BAHCC1: variants seen among roughly 807,000 people sequenced by gnomAD.
BAHCC1 encodes BAH domain and coiled-coil containing 1.
In BAHCC1, 43 loss-of-function variants were observed where a neutral mutation model predicts 88.2. The observed-to-expected ratio is 0.49, with a 90% confidence interval of 0.38 to 0.63. The LOEUF (loss-of-function observed/expected upper bound fraction) is 0.63, where lower values mean the gene tolerates loss of function less well. BAHCC1 is among the 20% of genes least tolerant of loss of function. BAHCC1 has a pLI of 0.00. For synonymous variants in BAHCC1, 1,510 were observed against 745.5 expected (o/e 2.03, Z -16.71); for missense variants, 3,023 against 1,654.8 (o/e 1.83, Z -14.34).
Position 81,462,928 on chromosome 17 carries a change from C to T in BAHCC1, c.7572C>T (p.Phe2524=). ...GSNMVVKVKW[F]YHPEETKLGK... Reference sequence around the variant, plus strand: ...ACATGGTGGTCAAGGTCAAGTGGTTCTACCACCCTGAGGAGACCAAGCTGG... The same window carrying T: ...ACATGGTGGTCAAGGTCAAGTGGTTTTACCACCCTGAGGAGACCAAGCTGG... The change falls in exon 27 of 28, where the codon TTC becomes TTT. Residue 2524 remains phenylalanine (F), a synonymous_variant. Coordinates refer to ENST00000675386, the MANE Select transcript of BAHCC1 (RefSeq NM_001377448.1). The T allele has an allele frequency of 2.6e-6, 2 of 783,792 alleles. No individual in the cohort carries two copies. The highest frequency in any genetic ancestry group is 1.3e-5 in the South Asian group (1 of 74,682). The allele number at this position is 783,792 out of a possible 1,614,324, so 48.6% of individuals were successfully genotyped here.
At chr17:81,395,951 CAA>C (rs1347707014) in intron 1 of BAHCC1, 1 of 152,204 alleles carries the variant, frequency 6.6e-6, no homozygotes, top group Non-Finnish European at 1.5e-5. Flanking sequence ...GCATTAAAAA[CAA>C]ATACTCGAAG....
intron 11 of BAHCC1, among the ~76,000 whole-genome samples, chr17:81,448,546 C>T (rs529217509): frequency 6.6e-6 from 1 of 152,222 alleles, no homozygotes; most frequent in African/African-American, 2.4e-5. Flanking sequence ...GAGAAAGCCC[C>T]GGGGTGGAGG....
chr17:81,400,014 C>T, intron 2 of BAHCC1, 97 bp downstream of exon 2: 3 of 1,073,922 alleles, frequency 2.8e-6, no homozygotes, highest in Non-Finnish European at 3.5e-6. Flanking sequence ...GCTTTGGTTT[C>T]ATTTCCCGGC....
chr17:81,456,348 G>C lies in BAHCC1; in HGVS notation c.4621G>C (p.Val1541Leu). ...CTGTCAGGGCGGGCTGGCGCCCTCC[G>C]TGGCCCACAGGGTGGCCCAGCTGAA... is the stretch of plus-strand genomic sequence containing the variant. The part of the protein sequence containing the change: ...SSCQGGLAPS[V>L]AHRVAQLKPK... The change falls in exon 16 of 28, where the codon GTG becomes CTG. Residue 1541 changes from valine (V) to leucine (L), a missense_variant. Transcript: ENST00000675386. 1 of 722,516 alleles carries C rather than the reference G, an allele frequency of 1.4e-6. No homozygotes were observed. Among genetic ancestry groups the C allele is most frequent in the South Asian group, 1.5e-5 (1 of 68,034 alleles). The allele number at this position is 722,516 out of a possible 1,614,324, so 44.8% of individuals were successfully genotyped here.
chr17:81,438,486 C>A lies in BAHCC1; in HGVS notation c.475C>A (p.Gln159Lys). The A allele has an allele frequency of 1.3e-6, 1 of 769,854 alleles. No homozygotes were observed. The highest frequency in any genetic ancestry group is 2.4e-5 in the East Asian group (1 of 40,968). 47.7% of individuals were successfully genotyped at this position (769,854 alleles called of 1,614,324 possible). ...TGGGCAGCACCGTTTCTATGGAACC[C>A]AAAAAGGCAAGTGCAGCATGGGACC... is the stretch of plus-strand genomic sequence containing the variant. Reference protein sequence around the residue: ...LYGQHRFYGTQKDNFYLRNLP... With the variant: ...LYGQHRFYGTKKDNFYLRNLP... The change falls in exon 4 of 28, where the codon CAA (glutamine) becomes AAA (lysine). Residue 159 changes from glutamine (Q) to lysine (K), a missense_variant. Coordinates refer to ENST00000675386, the MANE Select transcript of BAHCC1 (RefSeq NM_001377448.1).
Position 81,443,790 on chromosome 17 carries a change from C to T in BAHCC1, c.2216-19C>T. 1 of 707,948 alleles carries T rather than the reference C, an allele frequency of 1.4e-6. No homozygotes were observed. Among genetic ancestry groups the T allele is most frequent in the Non-Finnish European group, 2.6e-6 (1 of 384,614 alleles). 43.9% of individuals were successfully genotyped at this position (707,948 alleles called of 1,614,324 possible). A position where few individuals can be genotyped will look rare whatever the true frequency, so the allele number is the denominator to read the frequency against. ...GGCCGCCCCAACCCTCTCCCGTCTG[C>T]TGTCTCGACCCTGTGCAGGTGGCGG... On this transcript the variant is annotated intron_variant, in intron 5 of 27. Transcript: ENST00000675386.
chr17:81,438,956 G>GCCCAGCC lies in BAHCC1; in HGVS notation c.481+482_481+488dup, dbSNP rs1212215454. 9.2e-5 allele frequency among the ~76,000 whole-genome samples: 14 copies of GCCCAGCC among 152,194 alleles called. No individual in the cohort carries two copies. In the South Asian group the frequency reaches 1.9e-3, roughly 20 times the overall value. ...CTCGGCTAGACCTGGGCTGCACGAG[G>GCCCAGCC]CCCAGCCCCCAGCCCCCAGCCCCCC... On this transcript the variant is annotated intron_variant, in intron 4 of 27. Transcript: ENST00000675386.
chr17:81,406,517 G>C (rs1157815828), intron 2 of BAHCC1, among the ~76,000 whole-genome samples: 1 of 152,190 alleles, frequency 6.6e-6, no homozygotes, highest in African/African-American at 2.4e-5. Context: ...AAAATCACCC[G>C]CAGCCCAGGC....
intron 11 of BAHCC1, among the ~76,000 whole-genome samples, chr17:81,449,266 ATGGTCCCCCCC>A (rs1279121756): frequency 1.3e-5 from 2 of 152,094 alleles, no homozygotes; most frequent in Non-Finnish European, 2.9e-5. Flanking sequence ...TCTCCACCTC[ATGGTCCCCCCC>A]TGGGCCCCCA....
intron 14 of BAHCC1, among the ~76,000 whole-genome samples, chr17:81,453,155 G>T (rs569818573): frequency 6.6e-6 from 1 of 152,198 alleles, no homozygotes; most frequent in Non-Finnish European, 1.5e-5. Flanking sequence ...CATCGTCCCC[G>T]CCCGGCCCCC....
intron 14 of BAHCC1, among the ~76,000 whole-genome samples, chr17:81,454,420 G>T (rs562889742): frequency 6.6e-6 from 1 of 152,174 alleles, no homozygotes; most frequent in Non-Finnish European, 1.5e-5. Flanking sequence ...AGGGGCCAGG[G>T]ATGCAGAATT....
At position 81,461,449 on chromosome 17, in the gene BAHCC1, C is replaced by T. The variant is rs781864977; in HGVS notation, c.6786C>T (p.Ile2262=). Residue 2262 remains isoleucine, a synonymous_variant, in exon 26 of 28, where the codon ATC becomes ATT. Transcript: ENST00000675386. ...AGGACAAGAAGGGGCGGGCACCCAT[C>T]CCCCCGCTGCCCATGGGGCTGGCGC... ...VGKDKKGRAP[I]PPLPMGLALR... 3 of 737,906 alleles carry T rather than the reference C, an allele frequency of 4.1e-6. No homozygotes were observed. Among genetic ancestry groups the T allele is most frequent in the Non-Finnish European group, 7.5e-6 (3 of 398,172 alleles). 45.7% of individuals were successfully genotyped at this position (737,906 alleles called of 1,614,324 possible).
chr17:81,464,974 G>A lies in BAHCC1; in HGVS notation c.*1157G>A, dbSNP rs1411303319. The A allele has an allele frequency of 6.6e-6, 1 of 152,190 alleles. No individual in the cohort carries two copies. The highest frequency in any genetic ancestry group is 1.5e-5 in the Non-Finnish European group (1 of 68,050). 9.4% of individuals were successfully genotyped at this position (152,190 alleles called of 1,614,324 possible). On this transcript the variant is annotated 3_prime_UTR_variant, in exon 28 of 28. Coordinates refer to ENST00000675386, the MANE Select transcript of BAHCC1 (RefSeq NM_001377448.1). ...GAACTGGGCAGGGCTCGGGGCCTAT[G>A]AGGGCAGGTTCACAGTCCCACCAGA... is the stretch of plus-strand genomic sequence containing the variant.
In BAHCC1 at chr17:81,463,822, C is replaced by A. The variant is rs552696978; in HGVS notation, c.*5C>A. 1.5e-3 allele frequency: 1,081 copies of A among 717,516 alleles called. 22 individuals carry two copies. The South Asian group carries it at 0.015, about 10-fold the overall frequency. 44.4% of individuals were successfully genotyped at this position (717,516 alleles called of 1,614,324 possible). A position where few individuals can be genotyped will look rare whatever the true frequency, so the allele number is the denominator to read the frequency against. On this transcript the variant is annotated 3_prime_UTR_variant, in exon 28 of 28. Coordinates refer to ENST00000675386, the MANE Select transcript of BAHCC1 (RefSeq NM_001377448.1). ...GGCGTGCCCATCCTATGCTGAGCCG[C>A]CCACCGCAGATGCCTCCCACGTGCG...
rs367640488 is a variant in BAHCC1, at chr17:81,458,330, C to T, written c.5207C>T (p.Pro1736Leu). ...GKAKGSLRAE[P>L]GATPSRDALF... ...GCCAAGGGCAGCCTGCGGGCAGAGC[C>T]GGGGGCCACCCCCAGCAGGGACGCC... is the stretch of plus-strand genomic sequence containing the variant. Residue 1736 changes from proline (P) to leucine (L), a missense_variant, in exon 18 of 28, where the codon CCG becomes CTG. By Grantham distance (98) the Pro-to-Leu change is moderately conservative (BLOSUM62 -3). Coordinates refer to ENST00000675386, the MANE Select transcript of BAHCC1 (RefSeq NM_001377448.1). 10 of 740,824 alleles carry T rather than the reference C, an allele frequency of 1.3e-5. No individual in the cohort carries two copies. Among genetic ancestry groups the T allele is most frequent in the Non-Finnish European group, 1.8e-5 (7 of 399,888 alleles). The allele number at this position is 740,824 out of a possible 1,614,324, so 45.9% of individuals were successfully genotyped here. A position where few individuals can be genotyped will look rare whatever the true frequency, so the allele number is the denominator to read the frequency against.
At chr17:81,397,412 A>G (rs2063757229) in intron 1 of BAHCC1, among the ~76,000 whole-genome samples, 2 of 149,652 alleles carry the variant, frequency 1.3e-5, no homozygotes, top group South Asian at 2.1e-4. Flanking sequence ...AAAAAAAAAA[A>G]CAACCACAAA....
intron 3 of BAHCC1, among the ~76,000 whole-genome samples, chr17:81,430,164 G>C (rs1490174924): frequency 6.6e-6 from 1 of 152,100 alleles, no homozygotes; most frequent in African/African-American, 2.4e-5. Context: ...GAGCAGGGGT[G>C]GGGGCACACA....
chr17:81,415,877 G>T (rs898132323), intron 2 of BAHCC1, among the ~76,000 whole-genome samples: 1 of 152,262 alleles, frequency 6.6e-6, no homozygotes, highest in African/African-American at 2.4e-5. Context: ...AACCATCGAG[G>T]ACGGCCCAGG....
chr17:81,451,160 T>G (rs1183248579), intron 11 of BAHCC1: 2 of 156,502 alleles, frequency 1.3e-5, no homozygotes, highest in Non-Finnish European at 2.9e-5. Context: ...TGAAGCCACG[T>G]AGACAGACGC....
Sources: gnomAD v4.1 joint callset for allele counts (sites outside exome capture counted in the v4.1 genomes callset) on GRCh38, gnomAD v4.1.1 for gene constraint, MANE v1.5 for transcripts, NCBI Gene and HGNC (gene_info 2026-07-23, HGNC 2026-07-21) for gene names.